CTNNA1: variants seen among roughly 807,000 people sequenced by gnomAD.
CTNNA1 encodes the protein catenin alpha 1.
In CTNNA1, 37 loss-of-function variants were observed where a neutral mutation model predicts 98.4. The ratio of observed to expected loss-of-function variants is 0.38; its 90% CI spans 0.29 to 0.49. The LOEUF (loss-of-function observed/expected upper bound fraction) is 0.49. CTNNA1 is among the 20% of genes least tolerant of loss of function. CTNNA1 has a pLI of 0.95. For missense variants in CTNNA1, 761 were observed against 1,147.2 expected, an observed-to-expected ratio of 0.66 and a Z score of 4.86; for synonymous variants, 404 against 413.2, an observed-to-expected ratio of 0.98 and a Z score of 0.27.
chr5:138,864,554 C>T (rs1160578623), intron 7 of CTNNA1, among the ~76,000 whole-genome samples: 1 of 152,074 alleles, frequency 6.6e-6, no homozygotes, highest in Non-Finnish European at 1.5e-5. Context: ...CTATGATCAT[C>T]CTTGCTTTAA....
intron 11 of CTNNA1, among the ~76,000 whole-genome samples, chr5:138,922,519 A>G (rs1244933538): frequency 6.6e-6 from 1 of 152,206 alleles, no homozygotes; most frequent in Non-Finnish European, 1.5e-5. Context: ...ATGTATGTGT[A>G]TGAATTTTTT....
intron 7 of CTNNA1, among the ~76,000 whole-genome samples, chr5:138,840,221 G>A (rs6887841): frequency 0.68 from 103,418 of 152,114 alleles, 35,396 homozygotes; most frequent in East Asian, 0.93. Flanking sequence ...CTGGATAGGT[G>A]GGGACCAAGG....
intron 7 of CTNNA1, among the ~76,000 whole-genome samples, chr5:138,858,841 C>T (rs1244757493): frequency 6.6e-6 from 1 of 152,170 alleles, no homozygotes; most frequent in East Asian, 1.9e-4. Context: ...TCAAGTGATC[C>T]GCCTGCCTCG....
chr5:138,893,540 A>T, intron 9 of CTNNA1, among the ~76,000 whole-genome samples: 1 of 151,502 alleles, frequency 6.6e-6, no homozygotes, highest in African/African-American at 2.4e-5. Context: ...TTAAAATAAA[A>T]TATCTTTTCT....
At chr5:138,923,788 TTA>T (rs1258009606) in intron 11 of CTNNA1, among the ~76,000 whole-genome samples, 2 of 152,176 alleles carry the variant, frequency 1.3e-5, no homozygotes, top group African/African-American at 4.8e-5. Flanking sequence ...TCCTAAAAAT[TTA>T]TAGTGTCAGG....
intron 7 of CTNNA1, among the ~76,000 whole-genome samples, chr5:138,860,887 G>A (rs1351358737): frequency 6.6e-6 from 1 of 152,226 alleles, no homozygotes. Context: ...ATGTGGTGAT[G>A]TGGTATTGTC....
At chr5:138,782,194 C>G in intron 2 of CTNNA1, 165 bp downstream of exon 2, 1 of 701,976 alleles carries the variant, frequency 1.4e-6, no homozygotes. Flanking sequence ...TTTAGTTAAC[C>G]CTTGAGAACG....
intron 7 of CTNNA1, among the ~76,000 whole-genome samples, chr5:138,840,455 A>C (rs1034021944): frequency 5.3e-5 from 8 of 152,198 alleles, no homozygotes; most frequent in African/African-American, 1.9e-4. Context: ...TGTATGTGCA[A>C]ATGTGCAAAT....
At chr5:138,825,102 T>G (rs2149777713) in intron 6 of CTNNA1, among the ~76,000 whole-genome samples, 1 of 152,274 alleles carries the variant, frequency 6.6e-6, no homozygotes, top group Middle Eastern at 3.4e-3. Context: ...GATTTTGACC[T>G]TCTGGCAGAT....
intron 1 of CTNNA1, among the ~76,000 whole-genome samples, chr5:138,757,996 CT>C (rs1751872509): frequency 6.6e-6 from 1 of 151,862 alleles, no homozygotes; most frequent in Non-Finnish European, 1.5e-5. Flanking sequence ...GTAATATATT[CT>C]TTTTTTCTCC....
At chr5:138,879,297 G>A (rs1206611393) in intron 7 of CTNNA1, among the ~76,000 whole-genome samples, 1 of 150,764 alleles carries the variant, frequency 6.6e-6, no homozygotes, top group Non-Finnish European at 1.5e-5. Flanking sequence ...GGCTTATGTC[G>A]TAGCCAGACT....
At chr5:138,791,615 C>CGA in intron 3 of CTNNA1, among the ~76,000 whole-genome samples, 1 of 40,306 alleles carries the variant, frequency 2.5e-5, no homozygotes. Context: ...GACTCCGTCT[C>CGA]AAAAAAAAAA....
intron 1 of CTNNA1, chr5:138,762,006 T>G (rs1355545040): frequency 6.6e-6 from 1 of 152,254 alleles, no homozygotes; most frequent in African/African-American, 2.4e-5. Flanking sequence ...TCCACCTGCC[T>G]TGGCCTCCCA....
chr5:138,863,954 T>C (rs775006224), intron 7 of CTNNA1, among the ~76,000 whole-genome samples: 22 of 152,148 alleles, frequency 1.4e-4, no homozygotes, highest in Admixed American at 2.6e-4. Flanking sequence ...CTGAAAAATA[T>C]CTCAAACACC....
At position 138,880,946 on chromosome 5, in the gene CTNNA1, A is replaced by AC. The variant is rs201665557; in HGVS notation, c.1063-5266_1063-5265insC. On this transcript the variant is annotated intron_variant, in intron 7 of 17. Coordinates refer to ENST00000302763, the MANE Select transcript of CTNNA1 (RefSeq NM_001903.5). ...AAGTGATATGGCAAGGAAAAAAAAA[A>AC]ACACATTGAATATGTGATGTTGTTA... The AC allele has an allele frequency of 7.2e-3, 3,098 of 428,134 alleles. 86 individuals carry two copies. Among genetic ancestry groups the AC allele is most frequent in the African/African-American group, 0.056 (2,717 of 48,920 alleles). The allele number at this position is 428,134 out of a possible 1,614,324, so 26.5% of individuals were successfully genotyped here.
rs190120727 is a variant in CTNNA1, at chr5:138,892,941, G to A, written c.1296+5299G>A. Among the ~76,000 whole-genome samples, 821 of 152,170 alleles carry A rather than the reference G, an allele frequency of 5.4e-3. 5 individuals carry two copies. Among genetic ancestry groups the A allele is most frequent in the Non-Finnish European group, 9.5e-3 (647 of 67,994 alleles). On this transcript the variant is annotated intron_variant, in intron 9 of 17. Coordinates refer to ENST00000302763, the MANE Select transcript of CTNNA1 (RefSeq NM_001903.5). ...TGAGGCAGGAGAATCACTTGAACCC[G>A]GGAGGCGGAGGTTGCAGTAAGCAGA...
Position 138,851,430 on chromosome 5 carries a change from T to G in CTNNA1, c.1062+23712T>G, listed in dbSNP as rs117281832. On this transcript the variant is annotated intron_variant, in intron 7 of 17. Coordinates refer to ENST00000302763, the MANE Select transcript of CTNNA1 (RefSeq NM_001903.5). ...ATCTTTGAAGAATAGGTGATTTTAG[T>G]CTCTAAGCAGGAGAGGTGTACACGT... 1.2e-4 allele frequency among the ~76,000 whole-genome samples: 19 copies of G among 152,184 alleles called. No individual in the cohort carries two copies. In the East Asian group the frequency reaches 3.3e-3, roughly 26 times the overall value.
intron 3 of CTNNA1, among the ~76,000 whole-genome samples, chr5:138,791,899 C>T (rs1756424062): frequency 6.7e-6 from 1 of 150,230 alleles, no homozygotes; most frequent in South Asian, 2.1e-4. Context: ...ATGTGCACAG[C>T]ATGCAGGTTT....
intron 7 of CTNNA1, among the ~76,000 whole-genome samples, chr5:138,837,579 C>T (rs1243812374): frequency 7.1e-6 from 1 of 140,416 alleles, no homozygotes; most frequent in African/African-American, 2.6e-5. Context: ...TCTCCTCTCT[C>T]CTCTCTCTTC....
Sources: allele counts gnomAD v4.1 joint callset (sites outside exome capture counted in the v4.1 genomes callset), GRCh38; gene constraint gnomAD v4.1.1; transcripts MANE v1.5; gene names NCBI Gene and HGNC (gene_info 2026-07-23, HGNC 2026-07-21).